The following EPB41L4B variants were observed in gnomAD, a reference collection of about 807,000 sequenced individuals.
EPB41L4B encodes erythrocyte membrane protein band 4.1 like 4B.
A neutral mutation model predicts 112.5 loss-of-function variants in EPB41L4B; 30 were observed. The ratio of observed to expected loss-of-function variants is 0.27; its 90% CI spans 0.20 to 0.36. The LOEUF is 0.36. Ranked by LOEUF, EPB41L4B falls within the 10% of genes least tolerant of loss-of-function variation. The pLI, the probability that EPB41L4B is intolerant of heterozygous loss-of-function variation, is 1.00. For synonymous variants in EPB41L4B, 408 were observed against 439.7 expected (o/e 0.93, Z 0.90); for missense variants, 1,024 against 1,133.3 (o/e 0.90, Z 1.38).
At chr9:109,244,493 T>C (rs1834475721) in intron 14 of EPB41L4B, among the ~76,000 whole-genome samples, 1 of 129,106 alleles carries the variant, frequency 7.7e-6, no homozygotes, top group Non-Finnish European at 1.6e-5. Context: ...TCACCCAGGC[T>C]GGAGTGCAAT....
chr9:109,213,624 G>T, intron 17 of EPB41L4B, 76 bp downstream of exon 17: 1 of 1,215,520 alleles, frequency 8.2e-7, no homozygotes, highest in Non-Finnish European at 1.2e-6. Flanking sequence ...GGTTTAGCAG[G>T]CAGGCTAGGG....
chr9:109,208,546 T>C (rs2118788428), intron 17 of EPB41L4B, among the ~76,000 whole-genome samples: 1 of 152,346 alleles, frequency 6.6e-6, no homozygotes, highest in Middle Eastern at 3.4e-3. Context: ...TAGAGTGTCT[T>C]GTACTTCAGT....
intron 1 of EPB41L4B, among the ~76,000 whole-genome samples, chr9:109,306,103 T>G (rs932721797): frequency 1.3e-5 from 2 of 152,184 alleles, no homozygotes; most frequent in Admixed American, 6.5e-5. Flanking sequence ...TTGTATTTAC[T>G]AGCTGTGGGA....
In EPB41L4B at chr9:109,279,817, C is replaced by T. The variant is rs1320337260; in HGVS notation, c.411G>A (p.Ala137=). The change falls in exon 2 of 26, where the codon GCG becomes GCA. Residue 137 remains alanine (A), a splice_region_variant and synonymous_variant. Coordinates refer to ENST00000374566, the MANE Select transcript of EPB41L4B (RefSeq NM_019114.5). Reference sequence around the variant, plus strand: ...GAAATGAATCAAAGCAATAACCTACCGCAACCTGGGCAGAGTCGAGGAACT... The same window carrying T: ...GAAATGAATCAAAGCAATAACCTACTGCAACCTGGGCAGAGTCGAGGAACT... ...GLQFLDSAQV[A]HWLDHAKPIK... 3 of 1,613,388 alleles carry T rather than the reference C, an allele frequency of 1.9e-6. No individual in the cohort carries two copies. Among genetic ancestry groups the T allele is most frequent in the Non-Finnish European group, 2.5e-6 (3 of 1,179,538 alleles).
At chr9:109,259,142 C>T (rs2119041118) in intron 6 of EPB41L4B, among the ~76,000 whole-genome samples, 1 of 152,298 alleles carries the variant, frequency 6.6e-6, no homozygotes, top group African/African-American at 2.4e-5. Flanking sequence ...TACTGCCATC[C>T]CCTGGGAGCT....
intron 1 of EPB41L4B, among the ~76,000 whole-genome samples, chr9:109,318,150 C>CGTGTGTGTGTGTGTGT (rs3983533): frequency 1.9e-4 from 29 of 149,480 alleles, no homozygotes; most frequent in African/African-American, 7.1e-4. Flanking sequence ...GGGGCATATA[C>CGTGTGTGTGTGTGTGT]GTGTGTGTGT....
intron 15 of EPB41L4B, among the ~76,000 whole-genome samples, chr9:109,217,410 T>A (rs928675530): frequency 2.0e-5 from 3 of 152,210 alleles, no homozygotes; most frequent in East Asian, 1.9e-4. Flanking sequence ...TTCTTTTTTT[T>A]AAAGGCATTC....
At chr9:109,232,120 T>A (rs757952514) in intron 15 of EPB41L4B, among the ~76,000 whole-genome samples, 18 of 151,806 alleles carry the variant, frequency 1.2e-4, no homozygotes, top group Admixed American at 3.3e-4. Flanking sequence ...GACCCCCGAG[T>A]AGCTGGGATT....
chr9:109,242,447 CTT>C (rs897383172), intron 15 of EPB41L4B, among the ~76,000 whole-genome samples: 1 of 152,214 alleles, frequency 6.6e-6, no homozygotes, highest in East Asian at 1.9e-4. Context: ...TAAGCACAAA[CTT>C]TTGTAAAAAC....
rs185030557 is a variant in EPB41L4B at position 109,262,342 on chromosome 9, C to T, written c.631+708G>A. Among the ~76,000 whole-genome samples the T allele has an allele frequency of 2.5e-3, 387 of 152,240 alleles. 1 individual carries two copies. The highest frequency in any genetic ancestry group is 9.0e-3 in the African/African-American group (372 of 41,538). On this transcript the variant is annotated intron_variant, in intron 6 of 25. Coordinates refer to ENST00000374566, the MANE Select transcript of EPB41L4B (RefSeq NM_019114.5). ...GAGTCCACCTCTTCTAACCTCTATC[C>T]ATCCCCAGAAACAGCCTGAGAATCA...
At chr9:109,241,945 A>G in intron 15 of EPB41L4B, 1 of 806,424 alleles carries the variant, frequency 1.2e-6, no homozygotes, top group East Asian at 2.5e-5. Flanking sequence ...TATGAATGGA[A>G]ATGAATGGAT....
At chr9:109,270,283 T>G (rs1835563202) in intron 2 of EPB41L4B, among the ~76,000 whole-genome samples, 1 of 152,248 alleles carries the variant, frequency 6.6e-6, no homozygotes, top group African/African-American at 2.4e-5. Context: ...AATTATTATT[T>G]TCTATCTAGA....
At chr9:109,215,433 C>A (rs1423263857) in intron 16 of EPB41L4B, among the ~76,000 whole-genome samples, 1 of 152,110 alleles carries the variant, frequency 6.6e-6, no homozygotes, top group African/African-American at 2.4e-5. Context: ...GTGCACGCCA[C>A]CAGGCCCAGC....
rs145822314 is a variant in EPB41L4B at position 109,288,156 on chromosome 9, G to A, written c.307-8235C>T. 1.0e-3 allele frequency among the ~76,000 whole-genome samples: 153 copies of A among 152,368 alleles called. 1 individual carries two copies. The highest frequency in any genetic ancestry group is 3.3e-3 in the African/African-American group (138 of 41,588). ...GAATGGGACTAGTGCCTTTATGAAA[G>A]ACATTGAAGCCAGCAGCCTTGCCTC... On this transcript the variant is annotated intron_variant, in intron 1 of 25. Coordinates refer to ENST00000374566, the MANE Select transcript of EPB41L4B (RefSeq NM_019114.5).
chr9:109,258,285 T>C lies in EPB41L4B; in HGVS notation c.644A>G (p.Glu215Gly), dbSNP rs755823464. 1 of 1,612,400 alleles carries C rather than the reference T, an allele frequency of 6.2e-7. No homozygotes were observed. The highest frequency in any genetic ancestry group is 2.2e-5 in the East Asian group (1 of 44,838). ...AALCLQAELG[E>G]CELPEHTPEL... ...TGGTGTGTGTTCTGGAAGCTCGCAC[T>C]CCCCAAGCTCCGCTGTAAGTTTCAT... Residue 215 changes from glutamate (E) to glycine (G), a missense_variant, in exon 7 of 26, where the codon GAG becomes GGG. By Grantham distance (98) the Glu-to-Gly change is moderately conservative (BLOSUM62 -2). Transcript: ENST00000374566.
chr9:109,277,046 TCAGAGGCAGAGC>T (rs1835857717), intron 2 of EPB41L4B, among the ~76,000 whole-genome samples: 1 of 151,738 alleles, frequency 6.6e-6, no homozygotes, highest in East Asian at 1.9e-4. Flanking sequence ...ACCAAATGAG[TCAGAGGCAGAGC>T]CAGGAACAAG....
intron 1 of EPB41L4B, among the ~76,000 whole-genome samples, chr9:109,299,964 C>A (rs1278736900): frequency 6.6e-6 from 1 of 152,196 alleles, no homozygotes; most frequent in African/African-American, 2.4e-5. Flanking sequence ...CACAACCCTA[C>A]GGTGAACAGA....
At chr9:109,273,297 A>AG (rs1835695603) in intron 2 of EPB41L4B, among the ~76,000 whole-genome samples, 2 of 149,930 alleles carry the variant, frequency 1.3e-5, no homozygotes, top group African/African-American at 4.9e-5. Context: ...CCCAGGCTGG[A>AG]GTGCAGTGGT....
At chr9:109,261,155 C>T (rs1835188377) in intron 6 of EPB41L4B, among the ~76,000 whole-genome samples, 1 of 152,172 alleles carries the variant, frequency 6.6e-6, no homozygotes, top group South Asian at 2.1e-4. Context: ...GTTCTCCAAG[C>T]CATGCCTGTC....
Sources: gnomAD v4.1 joint callset for allele counts (sites outside exome capture counted in the v4.1 genomes callset) on GRCh38, gnomAD v4.1.1 for gene constraint, MANE v1.5 for transcripts, NCBI Gene and HGNC (gene_info 2026-07-23, HGNC 2026-07-21) for gene names.